The following ANO2 variants were observed in gnomAD, a reference collection of about 807,000 sequenced individuals.
ANO2 encodes the protein anoctamin-2.
In ANO2, 101 loss-of-function variants were observed where a neutral mutation model predicts 124.2. The observed-to-expected ratio is 0.81, with a 90% CI of 0.69 to 0.96. ANO2 has a LOEUF of 0.96. Ranked by LOEUF, ANO2 falls within the 40% of genes least tolerant of loss-of-function variation. The pLI is 0.00. For missense variants in ANO2, 1,293 were observed against 1,274.5 expected (o/e 1.01, Z -0.22); for synonymous variants, 486 against 482.5 (o/e 1.01, Z -0.09).
In ANO2 at chr12:5,900,700, T is replaced by C. The variant is rs1054686428; in HGVS notation, c.534+20340A>G. 2.0e-5 allele frequency among the ~76,000 whole-genome samples: 3 copies of C among 152,064 alleles called. No homozygotes were observed. Among genetic ancestry groups the C allele is most frequent in the African/African-American group, 7.2e-5 (3 of 41,412 alleles). On this transcript the variant is annotated intron_variant, in intron 3 of 24. Transcript: ENST00000682330. The surrounding 1 kb of genome is among the most constrained non-coding windows in gnomAD (Gnocchi z 4.2). ...AGCCTGACCACAATCCCCTTCCCCA[T>C]GGGTGGGGCCGGGACAGGAAATGGC...
intron 1 of ANO2, among the ~76,000 whole-genome samples, chr12:5,934,040 G>A (rs1007349747): frequency 4.6e-5 from 7 of 152,214 alleles, no homozygotes; most frequent in African/African-American, 1.7e-4. Flanking sequence ...GGATTCCCCT[G>A]TGCTGAACTG....
At chr12:5,573,705 G>C (rs752614856) in intron 23 of ANO2, among the ~76,000 whole-genome samples, 1 of 152,192 alleles carries the variant, frequency 6.6e-6, no homozygotes, top group Non-Finnish European at 1.5e-5. Flanking sequence ...AGGCCCAGAT[G>C]CGAAAAATCC....
intron 3 of ANO2, among the ~76,000 whole-genome samples, chr12:5,861,142 G>A (rs1364580135): frequency 6.6e-6 from 1 of 152,140 alleles, no homozygotes; most frequent in Non-Finnish European, 1.5e-5. Context: ...AGTAACAAAG[G>A]AAGACCTGCA....
In ANO2 at chr12:5,647,183, A is replaced by G. The variant is rs138309342; in HGVS notation, c.1620+544T>C. 4.2e-3 allele frequency among the ~76,000 whole-genome samples: 635 copies of G among 152,330 alleles called. 6 individuals carry two copies. Among genetic ancestry groups the G allele is most frequent in the African/African-American group, 0.015 (615 of 41,574 alleles). On this transcript the variant is annotated intron_variant, in intron 15 of 24. Coordinates refer to ENST00000682330, the MANE Select transcript of ANO2 (RefSeq NM_001364791.2). ...GTCTTGCCCATGCTGGCAACGAAGA[A>G]TGAACTGCTACCACTTTATTGATCT...
At chr12:5,875,636 G>C (rs1008138396) in intron 3 of ANO2, among the ~76,000 whole-genome samples, 1 of 152,160 alleles carries the variant, frequency 6.6e-6, no homozygotes, top group Non-Finnish European at 1.5e-5. Flanking sequence ...ATGCTGCACC[G>C]GTGACGGTCA....
At chr12:5,578,203 G>T (rs76378443) in intron 21 of ANO2, among the ~76,000 whole-genome samples, 163 bp downstream of exon 21, 2 of 152,132 alleles carry the variant, frequency 1.3e-5, no homozygotes, top group Non-Finnish European at 2.9e-5. Context: ...TGGATAAAGC[G>T]GTCTCAGAAG....
intron 7 of ANO2, among the ~76,000 whole-genome samples, chr12:5,822,090 C>T (rs1162429193): frequency 2.6e-5 from 4 of 152,188 alleles, no homozygotes; most frequent in Non-Finnish European, 1.5e-5. Context: ...TCTAGGACAT[C>T]CCTAAGGACA....
chr12:5,621,525 T>G (rs985049522), intron 16 of ANO2, among the ~76,000 whole-genome samples: 4 of 151,580 alleles, frequency 2.6e-5, no homozygotes, highest in Admixed American at 2.6e-4. Context: ...TGAGGGCCAG[T>G]GCGATGGGAG....
intron 17 of ANO2, among the ~76,000 whole-genome samples, 182 bp downstream of exon 17, chr12:5,615,003 GA>G (rs1306066984): frequency 6.6e-6 from 1 of 152,166 alleles, no homozygotes; most frequent in Non-Finnish European, 1.5e-5. Flanking sequence ...AGAGTCTGAA[GA>G]TGCTAATTCA....
chr12:5,650,104 C>A (rs1254825782), intron 14 of ANO2, among the ~76,000 whole-genome samples: 1 of 152,114 alleles, frequency 6.6e-6, no homozygotes, highest in East Asian at 1.9e-4. Context: ...TTGGTTCAGT[C>A]CCACTCAACA....
intron 4 of ANO2, among the ~76,000 whole-genome samples, chr12:5,846,875 A>C (rs1487419888): frequency 6.6e-6 from 1 of 152,190 alleles, no homozygotes; most frequent in Non-Finnish European, 1.5e-5. Context: ...TTTTCCAAAT[A>C]AGATTATATT....
rs185074918 is a variant in ANO2 at position 5,929,936 on chromosome 12, G to A, written c.23-7132C>T. Among the ~76,000 whole-genome samples the A allele has an allele frequency of 4.4e-4, 60 of 136,722 alleles. 5 individuals are homozygous for A. The highest frequency in any genetic ancestry group is 1.6e-3 in the African/African-American group (57 of 35,156). The allele number at this position is 136,722 out of a possible 152,430, so 89.7% of individuals were successfully genotyped here. On this transcript the variant is annotated intron_variant, in intron 1 of 24. Coordinates refer to ENST00000682330, the MANE Select transcript of ANO2 (RefSeq NM_001364791.2). Reference sequence around the variant, plus strand: ...ACTAGTCTACCTTCTTTCCTCTCTCGTCTGCCTTCTTTCCTTATTAGTCAC... The same window carrying A: ...ACTAGTCTACCTTCTTTCCTCTCTCATCTGCCTTCTTTCCTTATTAGTCAC...
chr12:5,719,837 G>C (rs1006019898), intron 14 of ANO2, among the ~76,000 whole-genome samples: 1 of 152,152 alleles, frequency 6.6e-6, no homozygotes, highest in Non-Finnish European at 1.5e-5. Context: ...AGCTCCGGTT[G>C]AGTTGTCCAC....
chr12:5,730,954 T>C (rs553328056), intron 14 of ANO2, among the ~76,000 whole-genome samples: 1 of 152,364 alleles, frequency 6.6e-6, no homozygotes. Context: ...CAGATGTTTT[T>C]TAATTATTCA....
At chr12:5,776,664 G>A (rs1952240577) in intron 10 of ANO2, among the ~76,000 whole-genome samples, 1 of 152,204 alleles carries the variant, frequency 6.6e-6, no homozygotes, top group Non-Finnish European at 1.5e-5. Context: ...ATCTAAATGT[G>A]AGTAACCTTT....
At chr12:5,629,191 C>T (rs935916260) in intron 16 of ANO2, among the ~76,000 whole-genome samples, 5 of 152,162 alleles carry the variant, frequency 3.3e-5, no homozygotes, top group African/African-American at 1.2e-4. Flanking sequence ...CGTACACCAG[C>T]CAGCATTCTG....
chr12:5,944,046 A>G (rs1942999397), intron 1 of ANO2, among the ~76,000 whole-genome samples: 1 of 152,230 alleles, frequency 6.6e-6, no homozygotes, highest in Non-Finnish European at 1.5e-5. Flanking sequence ...CAACTCAGAC[A>G]GCAGAAGCAG....
chr12:5,627,521 G>C (rs554825962), intron 16 of ANO2, among the ~76,000 whole-genome samples: 3 of 152,342 alleles, frequency 2.0e-5, no homozygotes, highest in African/African-American at 7.2e-5. Context: ...CTCCGCTGCA[G>C]AGAGCAGACC....
rs1947307436 is a variant in ANO2 at position 5,658,835 on chromosome 12, C to A, written c.1546-11034G>T. 6.6e-6 allele frequency among the ~76,000 whole-genome samples: 1 copy of A among 151,996 alleles called. No homozygotes were observed. The highest frequency in any genetic ancestry group is 1.5e-5 in the Non-Finnish European group (1 of 68,018). The stretch of plus-strand genomic sequence containing the variant: ...AACATCATCATTAAATCATCAGCAG[C>A]ATCAATATTATCCTTGTCATCAATA... On this transcript the variant is annotated intron_variant, in intron 14 of 24. Transcript: ENST00000682330. This position sits in a 1 kb window ranked among gnomAD's most constrained non-coding sequence, Gnocchi z 4.3.
Sources: gnomAD v4.1 joint callset for allele counts (sites outside exome capture counted in the v4.1 genomes callset) on GRCh38, gnomAD v4.1.1 for gene constraint, Gnocchi (gnomAD v3.1) non-coding constraint, MANE v1.5 for transcripts, NCBI Gene and HGNC (gene_info 2026-07-23, HGNC 2026-07-21) for gene names.